The following ANKRD6 variants were observed in gnomAD, a reference collection of about 807,000 sequenced individuals.
ANKRD6 encodes ankyrin repeat domain-containing protein 6.
A neutral mutation model predicts 82.3 loss-of-function variants in ANKRD6; 56 were observed. The observed-to-expected ratio is 0.68, with a 90% CI of 0.55 to 0.85. ANKRD6 has a LOEUF of 0.85. Among genes scored for constraint, ANKRD6 ranks in the 40% least tolerant of loss-of-function variants. The probability of loss-of-function intolerance (pLI) is 0.00; values close to 1 mark genes in which losing one functional copy is unlikely to be tolerated. For synonymous variants in ANKRD6, 347 were observed against 352.1 expected, an observed-to-expected ratio of 0.99 and a Z score of 0.16; for missense variants, 852 against 907.6, an observed-to-expected ratio of 0.94 and a Z score of 0.79.
chr6:89,588,816 G>A (rs1794291191), intron 2 of ANKRD6, among the ~76,000 whole-genome samples: 1 of 151,968 alleles, frequency 6.6e-6, no homozygotes, highest in South Asian at 2.1e-4. Context: ...GACCAGCATG[G>A]CCAACATGGT....
intron 1 of ANKRD6, among the ~76,000 whole-genome samples, chr6:89,552,968 A>G (rs1196147759): frequency 6.6e-6 from 1 of 152,158 alleles, no homozygotes; most frequent in Non-Finnish European, 1.5e-5. Context: ...TGGACAGTCC[A>G]TGTAGTACCG....
chr6:89,597,521 A>T (rs1796176671), intron 3 of ANKRD6, among the ~76,000 whole-genome samples: 1 of 152,220 alleles, frequency 6.6e-6, no homozygotes, highest in Non-Finnish European at 1.5e-5. Context: ...CCTGCCTCAC[A>T]TCCTGGGCTC....
At chr6:89,494,086 C>G (rs764354306) in intron 1 of ANKRD6, among the ~76,000 whole-genome samples, 19 of 152,054 alleles carry the variant, frequency 1.2e-4, no homozygotes, top group Admixed American at 4.6e-4. Context: ...GGTGTGGTAG[C>G]AGGAGGATCA....
At chr6:89,579,722 A>G (rs1237829518) in intron 2 of ANKRD6, among the ~76,000 whole-genome samples, 1 of 126,000 alleles carries the variant, frequency 7.9e-6, no homozygotes, top group African/African-American at 3.1e-5. Flanking sequence ...GTGCCACTGC[A>G]CTCCAGCCTG....
intron 1 of ANKRD6, among the ~76,000 whole-genome samples, chr6:89,526,211 A>C (rs1782479250): frequency 6.6e-6 from 1 of 152,232 alleles, no homozygotes; most frequent in Non-Finnish European, 1.5e-5. Flanking sequence ...ATGTGTGTAC[A>C]CACACTCTGG....
chr6:89,481,207 A>G (rs1776767386), intron 1 of ANKRD6, among the ~76,000 whole-genome samples: 1 of 152,188 alleles, frequency 6.6e-6, no homozygotes, highest in African/African-American at 2.4e-5. Context: ...GATAAAACAA[A>G]AACGTAAAAA....
chr6:89,606,999 GT>G (rs1798797621), intron 5 of ANKRD6, among the ~76,000 whole-genome samples: 1 of 152,034 alleles, frequency 6.6e-6, no homozygotes, highest in South Asian at 2.1e-4. Context: ...GTGAAACCCT[GT>G]TTCTACTAAA....
chr6:89,602,677 G>A lies in ANKRD6; in HGVS notation c.220-352G>A, dbSNP rs977919238. The A allele has an allele frequency of 5.5e-5, 13 of 238,138 alleles. No homozygotes were observed. The East Asian group carries it at 1.1e-3, about 21-fold the overall frequency. 14.8% of individuals were successfully genotyped at this position (238,138 alleles called of 1,614,324 possible). ...CAGGCATTGCTGCTTTAATTGCATAGCACACACCTGCCCTCACACCCACTC... is the reference window on the plus strand; with the variant it reads ...CAGGCATTGCTGCTTTAATTGCATAACACACACCTGCCCTCACACCCACTC... On this transcript the variant is annotated intron_variant, in intron 3 of 15. Coordinates refer to ENST00000339746, the MANE Select transcript of ANKRD6 (RefSeq NM_001242809.2).
intron 1 of ANKRD6, among the ~76,000 whole-genome samples, chr6:89,436,874 G>A (rs1313839514): frequency 2.0e-5 from 3 of 152,160 alleles, no homozygotes; most frequent in Admixed American, 6.5e-5. Context: ...TCCTCATCCC[G>A]TCAAGGGGGA....
chr6:89,534,175 A>C (rs557667962), intron 1 of ANKRD6, among the ~76,000 whole-genome samples: 1 of 152,310 alleles, frequency 6.6e-6, no homozygotes, highest in South Asian at 2.1e-4. Context: ...CCAATTAGAC[A>C]ATTTGATGGC....
chr6:89,460,786 C>T (rs544918599), intron 1 of ANKRD6, among the ~76,000 whole-genome samples: 7 of 151,856 alleles, frequency 4.6e-5, no homozygotes, highest in African/African-American at 1.7e-4. Flanking sequence ...ATTAAATTTG[C>T]TACTTAGGAT....
intron 9 of ANKRD6, chr6:89,621,425 C>T (rs925062297): frequency 1.8e-5 from 3 of 166,650 alleles, no homozygotes; most frequent in African/African-American, 7.2e-5. Flanking sequence ...CTCATAGATA[C>T]ACTTTAATAA....
chr6:89,582,688 A>C (rs1013944167), intron 2 of ANKRD6, among the ~76,000 whole-genome samples: 1 of 138,492 alleles, frequency 7.2e-6, no homozygotes, highest in African/African-American at 2.7e-5. Flanking sequence ...TGTCTCTATG[A>C]ATTTGTGATC....
chr6:89,564,197 G>A (rs1314760297), intron 1 of ANKRD6, among the ~76,000 whole-genome samples: 1 of 152,174 alleles, frequency 6.6e-6, no homozygotes, highest in Non-Finnish European at 1.5e-5. Flanking sequence ...TATGACTCTG[G>A]TAGGGAGAGT....
At chr6:89,543,835 G>T (rs1196644799) in intron 1 of ANKRD6, among the ~76,000 whole-genome samples, 2 of 152,160 alleles carry the variant, frequency 1.3e-5, no homozygotes, top group Admixed American at 6.5e-5. Flanking sequence ...CAGATCCTTT[G>T]TGGTCAAAGA....
At chr6:89,590,695 C>CAAA (rs1274640839) in intron 2 of ANKRD6, among the ~76,000 whole-genome samples, 2 of 152,196 alleles carry the variant, frequency 1.3e-5, no homozygotes, top group Non-Finnish European at 2.9e-5. Context: ...TTACCCCCAA[C>CAAA]ACAACCAGGG....
chr6:89,569,791 T>C (rs371050266), intron 2 of ANKRD6, among the ~76,000 whole-genome samples: 7 of 152,326 alleles, frequency 4.6e-5, no homozygotes, highest in Admixed American at 3.3e-4. Flanking sequence ...TTTTTCATAG[T>C]TATCTTTAGC....
At chr6:89,446,946 A>T (rs1772165814) in intron 1 of ANKRD6, among the ~76,000 whole-genome samples, 1 of 152,112 alleles carries the variant, frequency 6.6e-6, no homozygotes, top group East Asian at 1.9e-4. Context: ...TTCTGCCATG[A>T]TTGTGAGTTT....
chr6:89,480,927 G>A (rs1422619293), intron 1 of ANKRD6, among the ~76,000 whole-genome samples: 1 of 78,254 alleles, frequency 1.3e-5, no homozygotes, highest in Non-Finnish European at 2.3e-5. Context: ...GGGTGACAGA[G>A]TAAGACCCTG....
Sources: gnomAD v4.1 joint callset for allele counts (sites outside exome capture counted in the v4.1 genomes callset) on GRCh38, gnomAD v4.1.1 for gene constraint, MANE v1.5 for transcripts, NCBI Gene and HGNC (gene_info 2026-07-23, HGNC 2026-07-21) for gene names.